GLI3: variants seen among roughly 807,000 people sequenced by gnomAD.
GLI3 encodes the protein GLI family zinc finger 3.
A neutral mutation model predicts 100.8 loss-of-function variants in GLI3; 20 were observed. The observed-to-expected ratio is 0.20, with a 90% CI of 0.14 to 0.29. The LOEUF (loss-of-function observed/expected upper bound fraction) is 0.29, where lower values mean the gene tolerates loss of function less well. Ranked by LOEUF, GLI3 falls within the 10% of genes least tolerant of loss-of-function variation. The pLI, the probability that GLI3 is intolerant of heterozygous loss-of-function variation, is 1.00. For missense variants in GLI3, 2,040 were observed against 2,128.5 expected, an observed-to-expected ratio of 0.96 and a Z score of 0.82; for synonymous variants, 938 against 860.5, an observed-to-expected ratio of 1.09 and a Z score of -1.58.
chr7:42,028,015 G>T (rs1789171486), intron 7 of GLI3, among the ~76,000 whole-genome samples: 1 of 152,146 alleles, frequency 6.6e-6, no homozygotes, highest in Non-Finnish European at 1.5e-5. Flanking sequence ...TTGTTCACAA[G>T]CTTTCTTCTA....
upstream of GLI3, among the ~76,000 whole-genome samples, chr7:42,238,041 C>G (rs894483774): frequency 1.3e-5 from 2 of 148,416 alleles, no homozygotes; most frequent in African/African-American, 5.0e-5. Flanking sequence ...CCTCCTCCTC[C>G]TCCTCCGCCC....
intron 10 of GLI3, among the ~76,000 whole-genome samples, chr7:42,009,756 T>C (rs750007580): frequency 5.9e-5 from 9 of 152,154 alleles, no homozygotes; most frequent in Non-Finnish European, 1.2e-4. Flanking sequence ...CAAATGAACA[T>C]TCACTTGGAC....
At chr7:42,207,880 G>A (rs751375366) in intron 2 of GLI3, among the ~76,000 whole-genome samples, 1 of 152,176 alleles carries the variant, frequency 6.6e-6, no homozygotes, top group African/African-American at 2.4e-5. Flanking sequence ...AAGCACAGCC[G>A]AGCACGGTGG....
intron 2 of GLI3, among the ~76,000 whole-genome samples, chr7:42,220,718 G>T (rs1052491174): frequency 2.0e-5 from 3 of 152,192 alleles, no homozygotes; most frequent in African/African-American, 7.2e-5. Flanking sequence ...AGGGTTTATT[G>T]TCCTTTCTTT....
At chr7:42,140,596 T>C (rs58316909) in intron 3 of GLI3, among the ~76,000 whole-genome samples, 5,793 of 152,262 alleles carry the variant, frequency 0.038, 373 homozygotes, top group African/African-American at 0.13. Flanking sequence ...ATCCAAACTA[T>C]ATCAGAAGAC....
rs764864618 is a variant in GLI3, at chr7:42,182,644, GTATATATATA to G, written c.125-34186_125-34177del. Among the ~76,000 whole-genome samples, 184 of 51,674 alleles carry G rather than the reference GTATATATATA, an allele frequency of 3.6e-3. 5 individuals are homozygous for G. The highest frequency in any genetic ancestry group is 8.5e-3 in the African/African-American group (66 of 7,758). The allele number at this position is 51,674 out of a possible 152,430, so 33.9% of individuals were successfully genotyped here. ...TTTATATGCATATGTATATGTGTGT[GTATATATATA>G]TATATATATATATATATATATATAT... On this transcript the variant is annotated intron_variant, in intron 2 of 14. Coordinates refer to ENST00000395925, the MANE Select transcript of GLI3 (RefSeq NM_000168.6).
rs555684801 is a variant in GLI3, at chr7:41,968,050, A to G, written c.2104-127T>C. 3.5e-6 allele frequency: 3 copies of G among 852,502 alleles called. No homozygotes were observed. The South Asian group carries it at 4.1e-5, about 12-fold the overall frequency. 52.8% of individuals were successfully genotyped at this position (852,502 alleles called of 1,614,324 possible). On this transcript the variant is annotated intron_variant, in intron 13 of 14. Coordinates refer to ENST00000395925, the MANE Select transcript of GLI3 (RefSeq NM_000168.6). ...AGTTGGTTGAATGAGAAGAAAAACT[A>G]TGTTCTGGTGAATGGAGCTGGCCAC...
At chr7:42,119,308 T>TG (rs1466547819) in intron 3 of GLI3, among the ~76,000 whole-genome samples, 15 of 152,320 alleles carry the variant, frequency 9.8e-5, no homozygotes, top group African/African-American at 3.4e-4. Context: ...TTGAATCACG[T>TG]GGGGAATCTC....
At chr7:42,193,867 G>C (rs1054314934) in intron 2 of GLI3, among the ~76,000 whole-genome samples, 1 of 152,074 alleles carries the variant, frequency 6.6e-6, no homozygotes, top group Non-Finnish European at 1.5e-5. Flanking sequence ...TCAGATTTAA[G>C]GAATGTTAGC....
Position 41,964,109 on chromosome 7 carries a change from T to A in GLI3, c.*221A>T. ...AAAGAGGGTGGTTTGAGTGTAACAA[T>A]ACTGATTCAAAACTGAAATGGAAGA... On this transcript the variant is annotated 3_prime_UTR_variant, in exon 15 of 15. Coordinates refer to ENST00000395925, the MANE Select transcript of GLI3 (RefSeq NM_000168.6). The A allele has an allele frequency of 1.4e-5, 6 of 442,292 alleles. No individual in the cohort carries two copies. The highest frequency in any genetic ancestry group is 4.7e-5 in the East Asian group (1 of 21,402). The allele number at this position is 442,292 out of a possible 1,614,324, so 27.4% of individuals were successfully genotyped here.
At chr7:42,147,427 G>T (rs1408793685) in intron 3 of GLI3, among the ~76,000 whole-genome samples, 2 of 152,208 alleles carry the variant, frequency 1.3e-5, no homozygotes, top group East Asian at 1.9e-4. Flanking sequence ...TAAATGGCAA[G>T]TCTGAATCCT....
At chr7:42,173,841 A>G (rs1035929807) in intron 2 of GLI3, among the ~76,000 whole-genome samples, 2 of 152,218 alleles carry the variant, frequency 1.3e-5, no homozygotes, top group Admixed American at 6.5e-5. Flanking sequence ...GAGCTGGTCT[A>G]TATCAGCCCC....
chr7:42,083,481 A>T (rs1352124503), intron 3 of GLI3, among the ~76,000 whole-genome samples: 2 of 152,174 alleles, frequency 1.3e-5, no homozygotes, highest in African/African-American at 4.8e-5. Context: ...GTTTTATTGG[A>T]ATACTGCCAT....
At chr7:42,024,914 C>A (rs1789064670) in intron 9 of GLI3, among the ~76,000 whole-genome samples, 1 of 152,172 alleles carries the variant, frequency 6.6e-6, no homozygotes, top group South Asian at 2.1e-4. Flanking sequence ...GGCCCAAAAT[C>A]ACAGATGAGG....
At chr7:42,147,071 A>G (rs1786728404) in intron 3 of GLI3, among the ~76,000 whole-genome samples, 2 of 152,160 alleles carry the variant, frequency 1.3e-5, no homozygotes, top group South Asian at 2.1e-4. Context: ...CTTAAAAAAA[A>G]TAATGTAGCT....
Position 42,148,251 on chromosome 7 carries a change from C to T in GLI3, c.342G>A (p.Arg114=). 6.2e-7 allele frequency: 1 copy of T among 1,612,186 alleles called. No homozygotes were observed. Among genetic ancestry groups the T allele is most frequent in the South Asian group, 1.1e-5 (1 of 90,694 alleles). ...GGTAGTGGGGCTCCATGTAACCATT[C>T]CTGGGGTCCATGGCAAACACCGTCC... ...YRGTVFAMDP[R]NGYMEPHYHP... Residue 114 remains arginine (R), a synonymous_variant, in exon 3 of 15, where the codon AGG becomes AGA. Transcript: ENST00000395925.
chr7:42,008,960 A>G (rs573149315), intron 10 of GLI3, among the ~76,000 whole-genome samples: 72 of 152,300 alleles, frequency 4.7e-4, no homozygotes, highest in African/African-American at 1.6e-3. Context: ...TTCCTCACAA[A>G]CAACTCTGAT....
At position 42,103,114 on chromosome 7, in the gene GLI3, T is replaced by TG. The variant is rs532926711; in HGVS notation, c.368-26258dup. On this transcript the variant is annotated intron_variant, in intron 3 of 14. Transcript: ENST00000395925. ...GGCTGCAGTCACCTCAAGGCCTGAC[T>TG]GGGGGAGAGTATGTTTCCAGACTTG... Among the ~76,000 whole-genome samples the TG allele has an allele frequency of 2.9e-5, 4 of 136,394 alleles. No homozygotes were observed. The South Asian group carries it at 9.6e-4, about 33-fold the overall frequency. 89.5% of individuals were successfully genotyped at this position (136,394 alleles called of 152,430 possible). A position where few individuals can be genotyped will look rare whatever the true frequency, so the allele number is the denominator to read the frequency against.
chr7:42,256,815 A>C (rs1789089721), intron 1 of GLI3, among the ~76,000 whole-genome samples: 1 of 152,210 alleles, frequency 6.6e-6, no homozygotes, highest in East Asian at 1.9e-4. Context: ...TGTCTACAGA[A>C]ATGCCAATGG....
Sources: gnomAD v4.1 joint callset for allele counts (sites outside exome capture counted in the v4.1 genomes callset) on GRCh38, gnomAD v4.1.1 for gene constraint, MANE v1.5 for transcripts, NCBI Gene and HGNC (gene_info 2026-07-23, HGNC 2026-07-21) for gene names.